DPM1: variants seen among roughly 807,000 people sequenced by gnomAD.
The protein encoded by DPM1 is dolichyl-phosphate mannosyltransferase subunit 1, catalytic.
In DPM1, 27 loss-of-function variants were observed where a neutral mutation model predicts 39.0. The ratio of observed to expected loss-of-function variants is 0.69; its 90% CI spans 0.51 to 0.95. DPM1 has a LOEUF of 0.95. DPM1 is among the 40% of genes least tolerant of loss of function. DPM1 has a pLI of 0.00. For synonymous variants in DPM1, 124 were observed against 109.0 expected (o/e 1.14, Z -0.86); for missense variants, 307 against 315.6 (o/e 0.97, Z 0.21).
intron 6 of DPM1, chr20:50,941,265 A>ATATATATATATATATATAG (rs1985749255): frequency 9.3e-6 from 1 of 107,320 alleles, no homozygotes; most frequent in Non-Finnish European, 1.8e-5. Flanking sequence ...TATATATATA[A>ATATATATATATATATATAG]ATAAAATACA....
intron 2 of DPM1, among the ~76,000 whole-genome samples, chr20:50,949,102 G>A (rs925844148): frequency 5.9e-5 from 9 of 151,996 alleles, no homozygotes; most frequent in African/African-American, 1.9e-4. Flanking sequence ...CTCGTGATCC[G>A]CCCGCCTCGG....
chr20:50,950,436 A>T (rs1473751994), intron 2 of DPM1, among the ~76,000 whole-genome samples: 1 of 152,246 alleles, frequency 6.6e-6, no homozygotes, highest in Non-Finnish European at 1.5e-5. Context: ...GATCACAGCT[A>T]GATTTTATTT....
At chr20:50,943,747 T>TC (rs1205483672) in intron 5 of DPM1, among the ~76,000 whole-genome samples, 1 of 151,026 alleles carries the variant, frequency 6.6e-6, no homozygotes, top group African/African-American at 2.4e-5. Flanking sequence ...AGTATTTTTT[T>TC]TTTTTTTTTT....
chr20:50,942,959 C>T (rs150935462), intron 5 of DPM1, among the ~76,000 whole-genome samples: 2,708 of 152,324 alleles, frequency 0.018, 83 homozygotes, highest in African/African-American at 0.062. Flanking sequence ...AGGTGGATCA[C>T]TTGAGGTCAG....
rs1986943155 is a variant in DPM1 at position 50,958,276 on chromosome 20, G to C, written c.161+87C>G. ...TGTGTGAGGCAAAGAAGGCTGGACA[G>C]GGCCGCTTCGCGCAGCCAGCTGCCG... On this transcript the variant is annotated intron_variant, in intron 1 of 8. Transcript: ENST00000371588. 13 of 1,550,820 alleles carry C rather than the reference G, an allele frequency of 8.4e-6. 1 individual carries two copies. In the South Asian group the frequency reaches 1.4e-4, roughly 16 times the overall value.
chr20:50,957,444 C>T (rs984437395), intron 1 of DPM1, among the ~76,000 whole-genome samples: 3 of 152,196 alleles, frequency 2.0e-5, no homozygotes, highest in Non-Finnish European at 4.4e-5. Flanking sequence ...CTGCTGCCAA[C>T]ACTGATGCAA....
chr20:50,956,706 T>C (rs993215067), intron 1 of DPM1, among the ~76,000 whole-genome samples: 1 of 152,212 alleles, frequency 6.6e-6, no homozygotes, highest in Admixed American at 6.5e-5. Context: ...CTTCCCACTG[T>C]GCCTTAAATC....
At chr20:50,954,392 C>T (rs192706076) in intron 2 of DPM1, among the ~76,000 whole-genome samples, 2 of 152,168 alleles carry the variant, frequency 1.3e-5, no homozygotes, top group Admixed American at 1.3e-4. Context: ...CGGTGCTGAA[C>T]ATCCTACAAT....
chr20:50,934,869 C>G (rs185088439), downstream of DPM1: 36 of 275,606 alleles, frequency 1.3e-4, no homozygotes, highest in Admixed American at 1.2e-3. Context: ...GGCAGCAATA[C>G]TTTATGCAAA....
At chr20:50,946,947 G>A (rs540593604) in intron 3 of DPM1, among the ~76,000 whole-genome samples, 44 of 152,262 alleles carry the variant, frequency 2.9e-4, no homozygotes, top group African/African-American at 1.0e-3. Flanking sequence ...AGTGGCTCAC[G>A]CTTGTAATCC....
At chr20:50,938,536 C>T (rs900696149) in intron 7 of DPM1, among the ~76,000 whole-genome samples, 20 of 151,626 alleles carry the variant, frequency 1.3e-4, no homozygotes, top group Non-Finnish European at 1.6e-4. Flanking sequence ...GCGCCCGCCA[C>T]CACGCCCGGC....
intron 7 of DPM1, among the ~76,000 whole-genome samples, chr20:50,939,214 C>CACAACTAGTTACCAG (rs1985489899): frequency 6.6e-6 from 1 of 152,178 alleles, no homozygotes; most frequent in African/African-American, 2.4e-5. Context: ...CCTCTATCTT[C>CACAACTAGTTACCAG]ACAACTAGTT....
chr20:50,947,589 T>C (rs140383202), intron 3 of DPM1, among the ~76,000 whole-genome samples: 26 of 152,364 alleles, frequency 1.7e-4, no homozygotes, highest in Non-Finnish European at 3.5e-4. Flanking sequence ...ACTGAGCTCA[T>C]ATGAGCTTTT....
At chr20:50,941,227 A>AATAT (rs58694792) in intron 6 of DPM1, 3,977 of 60,968 alleles carry the variant, frequency 0.065, 248 homozygotes, top group Middle Eastern at 0.078. Context: ...AAAAAAAGTG[A>AATAT]ATATATATAT....
At chr20:50,935,556 G>C (rs1985075194) in intron 8 of DPM1, among the ~76,000 whole-genome samples, 1 of 152,200 alleles carries the variant, frequency 6.6e-6, no homozygotes, top group African/African-American at 2.4e-5. Context: ...AAATGGCCTT[G>C]TGCGTAGATT....
At chr20:50,957,902 G>A (rs1398963352) in intron 1 of DPM1, among the ~76,000 whole-genome samples, 2 of 152,124 alleles carry the variant, frequency 1.3e-5, no homozygotes, top group Non-Finnish European at 1.5e-5. Flanking sequence ...TTTCCAGAAA[G>A]GTTATCGTGC....
intron 3 of DPM1, among the ~76,000 whole-genome samples, chr20:50,946,731 C>T (rs1436106442): frequency 6.6e-6 from 1 of 152,310 alleles, no homozygotes; most frequent in South Asian, 2.1e-4. Flanking sequence ...AGACCCCTCA[C>T]AAGTGTCTTA....
At chr20:50,958,539 G>A (rs1448642556), upstream of DPM1, 3 of 1,613,320 alleles carry the variant, frequency 1.9e-6, no homozygotes, top group Middle Eastern at 1.6e-4. Flanking sequence ...AACTGAGCCA[G>A]ATGCCGGAAG....
intron 2 of DPM1, among the ~76,000 whole-genome samples, chr20:50,952,025 G>A (rs1429715534): frequency 2.0e-5 from 3 of 152,040 alleles, no homozygotes; most frequent in Non-Finnish European, 4.4e-5. Flanking sequence ...AGGCAGGATA[G>A]CATTACAGAC....
Sources: allele counts gnomAD v4.1 joint callset (sites outside exome capture counted in the v4.1 genomes callset), GRCh38; gene constraint gnomAD v4.1.1; transcripts MANE v1.5; gene names NCBI Gene and HGNC (gene_info 2026-07-23, HGNC 2026-07-21).